The following IL1RL2 variants were observed in gnomAD, a reference collection of about 807,000 sequenced individuals.
IL1RL2 encodes the protein interleukin-1 receptor-like 2.
IL1RL2 carries 68 observed loss-of-function variants against 66.8 expected under a neutral mutation model. The ratio of observed to expected loss-of-function variants is 1.02; its 90% CI spans 0.84 to 1.25. The LOEUF (loss-of-function observed/expected upper bound fraction) is 1.25, where lower values mean the gene tolerates loss of function less well. IL1RL2 is among the 50% of genes most tolerant of loss of function. The pLI, the probability that IL1RL2 is intolerant of heterozygous loss-of-function variation, is 0.00. For synonymous variants in IL1RL2, 305 were observed against 264.6 expected (o/e 1.15, Z -1.48); for missense variants, 729 against 709.3 (o/e 1.03, Z -0.32).
chr2:102,195,206 C>G (rs1463611159), intron 4 of IL1RL2, among the ~76,000 whole-genome samples: 1 of 152,126 alleles, frequency 6.6e-6, no homozygotes, highest in Non-Finnish European at 1.5e-5. Context: ...CAATGGCTAA[C>G]CTTTCTACTC....
At chr2:102,192,173 T>G (rs1687288408) in intron 4 of IL1RL2, 53 bp downstream of exon 4, 1 of 1,245,870 alleles carries the variant, frequency 8.0e-7, no homozygotes, top group African/African-American at 1.5e-5. Flanking sequence ...TAAAACCCAC[T>G]GTTTTTTATA....
downstream of IL1RL2, among the ~76,000 whole-genome samples, chr2:102,241,566 C>T (rs1289714156): frequency 1.3e-5 from 2 of 152,186 alleles, no homozygotes; most frequent in African/African-American, 2.4e-5. Context: ...TACAAAAGCC[C>T]GGTGAACGGA....
intron 5 of IL1RL2, among the ~76,000 whole-genome samples, chr2:102,208,014 C>A (rs1479218093): frequency 2.0e-5 from 3 of 152,208 alleles, no homozygotes; most frequent in Non-Finnish European, 4.4e-5. Flanking sequence ...TCTGTTCTAA[C>A]AAGTCAGCAT....
rs371535960 is a variant in IL1RL2, at chr2:102,219,878, T to C, written c.855-3T>C. ...ATTAATGACTTACTCTTTTCTTTTA[T>C]AGAACCCATGTCTCTTTTCGGGAAC... On this transcript the variant is annotated splice_polypyrimidine_tract_variant and splice_region_variant and intron_variant, in intron 7 of 11. Coordinates refer to ENST00000264257, the MANE Select transcript of IL1RL2 (RefSeq NM_003854.4). 4.1e-5 allele frequency: 66 copies of C among 1,600,422 alleles called. No homozygotes were observed. Among genetic ancestry groups the C allele is most frequent in the Non-Finnish European group, 5.2e-5 (61 of 1,168,472 alleles).
chr2:102,226,443 G>C (rs1346600908), intron 9 of IL1RL2, among the ~76,000 whole-genome samples: 1 of 152,214 alleles, frequency 6.6e-6, no homozygotes, highest in Non-Finnish European at 1.5e-5. Context: ...AGAGGGATGA[G>C]CTGCCTGCGG....
rs763839025 is a variant in IL1RL2, at chr2:102,235,214, A to C, written c.1615A>C (p.Arg539=). 18 of 1,614,122 alleles carry C rather than the reference A, an allele frequency of 1.1e-5. No homozygotes were observed. The highest frequency in any genetic ancestry group is 1.4e-5 in the Non-Finnish European group (17 of 1,180,056). The change falls in exon 11 of 12, where the codon AGA becomes CGA. Residue 539 remains arginine (R), a synonymous_variant. Coordinates refer to ENST00000264257, the MANE Select transcript of IL1RL2 (RefSeq NM_003854.4). Reference sequence around the variant, plus strand: ...GACAGTGAGATACCACATGCCGCCCAGAAGGTGTCGGCCGTTTCCTCCGGT... The same window carrying C: ...GACAGTGAGATACCACATGCCGCCCCGAAGGTGTCGGCCGTTTCCTCCGGT... ...WKTVRYHMPP[R]RCRPFPPVQL...
intron 4 of IL1RL2, among the ~76,000 whole-genome samples, chr2:102,195,232 A>C (rs1033595613): frequency 2.0e-5 from 3 of 152,220 alleles, no homozygotes; most frequent in African/African-American, 7.2e-5. Context: ...ATGAGGTCTC[A>C]GACTTCCTAG....
chr2:102,192,985 G>A (rs927898132), intron 4 of IL1RL2, among the ~76,000 whole-genome samples: 1 of 151,986 alleles, frequency 6.6e-6, no homozygotes, highest in Non-Finnish European at 1.5e-5. Context: ...CTCTTTTAAT[G>A]TCTGCAGACA....
intron 2 of IL1RL2, among the ~76,000 whole-genome samples, chr2:102,188,310 C>T (rs138368998): frequency 3.5e-4 from 53 of 152,244 alleles, no homozygotes; most frequent in Non-Finnish European, 5.0e-4. Context: ...TATGGCCGGG[C>T]GCAGTGGCTC....
At position 102,189,182 on chromosome 2, in the gene IL1RL2, A is replaced by G. The variant is rs753763314; in HGVS notation, c.165A>G (p.Thr55=). ...TAACATCTGGGGAAGTCAGTGTAACATGGTATAAAAATTCTAGCAAAATCC... is the reference window on the plus strand; with the variant it reads ...TAACATCTGGGGAAGTCAGTGTAACGTGGTATAAAAATTCTAGCAAAATCC... ...PPITSGEVSV[T]WYKNSSKIPV... Residue 55 remains threonine (T), a synonymous_variant, in exon 3 of 12, where the codon ACA becomes ACG. Coordinates refer to ENST00000264257, the MANE Select transcript of IL1RL2 (RefSeq NM_003854.4). 12 of 1,614,090 alleles carry G rather than the reference A, an allele frequency of 7.4e-6. No individual in the cohort carries two copies. In the South Asian group the frequency reaches 1.2e-4, roughly 16 times the overall value.
chr2:102,191,143 TA>T (rs1687199503), intron 3 of IL1RL2, among the ~76,000 whole-genome samples: 3 of 152,198 alleles, frequency 2.0e-5, no homozygotes, highest in African/African-American at 7.2e-5. Flanking sequence ...ATTTTTCTCC[TA>T]AACCATTTTT....
intron 6 of IL1RL2, among the ~76,000 whole-genome samples, chr2:102,214,547 G>T (rs1486873868): frequency 2.6e-5 from 4 of 152,094 alleles, no homozygotes; most frequent in Admixed American, 1.3e-4. Flanking sequence ...GAACATAAAA[G>T]AATATGTGTT....
chr2:102,191,494 G>T (rs1035512502), intron 3 of IL1RL2, among the ~76,000 whole-genome samples: 26 of 152,058 alleles, frequency 1.7e-4, no homozygotes, highest in Non-Finnish European at 3.1e-4. Flanking sequence ...TTTTAATCTG[G>T]AACAGTTCCT....
intron 5 of IL1RL2, 26 bp downstream of exon 5, chr2:102,201,741 G>C: frequency 6.2e-6 from 10 of 1,603,490 alleles, no homozygotes; most frequent in Non-Finnish European, 8.5e-6. Flanking sequence ...TATGCCTGTC[G>C]CCTTGTATTC....
chr2:102,209,073 T>A (rs1360301193), intron 5 of IL1RL2, among the ~76,000 whole-genome samples: 3 of 152,158 alleles, frequency 2.0e-5, no homozygotes, highest in Non-Finnish European at 4.4e-5. Flanking sequence ...GAGGGGAAAT[T>A]TTGTAAGGTG....
At chr2:102,205,385 A>G (rs1688618479) in intron 5 of IL1RL2, among the ~76,000 whole-genome samples, 2 of 152,098 alleles carry the variant, frequency 1.3e-5, no homozygotes, top group African/African-American at 4.8e-5. Context: ...ATTGCTCATT[A>G]ATGTCCTTTT....
chr2:102,230,926 A>G (rs942776280), intron 9 of IL1RL2, among the ~76,000 whole-genome samples: 1 of 152,180 alleles, frequency 6.6e-6, no homozygotes, highest in Non-Finnish European at 1.5e-5. Context: ...AAGCTAGAAG[A>G]ATACAAGGTT....
intron 5 of IL1RL2, among the ~76,000 whole-genome samples, chr2:102,209,804 A>G (rs956100341): frequency 2.0e-5 from 3 of 152,164 alleles, no homozygotes; most frequent in African/African-American, 7.2e-5. Context: ...TAAAATATCC[A>G]AAAGAGTGCT....
At chr2:102,205,013 C>T (rs750578994) in intron 5 of IL1RL2, among the ~76,000 whole-genome samples, 10 of 151,476 alleles carry the variant, frequency 6.6e-5, no homozygotes, top group Non-Finnish European at 1.0e-4. Flanking sequence ...TTTTTTGTGA[C>T]TCTATTGCAT....
Sources: gnomAD v4.1 joint callset for allele counts (sites outside exome capture counted in the v4.1 genomes callset) on GRCh38, gnomAD v4.1.1 for gene constraint, MANE v1.5 for transcripts, NCBI Gene and HGNC (gene_info 2026-07-23, HGNC 2026-07-21) for gene names.